Variants in SGIP1 observed in about 807,000 individuals in gnomAD.
SGIP1 encodes SH3GL interacting endocytic adaptor 1, also known as SH3-containing GRB2-like protein 3-interacting protein 1.
Under a neutral mutation model 107.5 loss-of-function variants are expected in SGIP1, and 38 were observed. The ratio of observed to expected loss-of-function variants is 0.35; its 90% confidence interval spans 0.27 to 0.46. The LOEUF (loss-of-function observed/expected upper bound fraction) is 0.46, where lower values mean the gene tolerates loss of function less well. Ranked by LOEUF, SGIP1 falls within the 20% of genes least tolerant of loss-of-function variation. The pLI is 1.00. For synonymous variants in SGIP1, 365 were observed against 366.1 expected, an observed-to-expected ratio of 1.00 and a Z score of 0.03; for missense variants, 929 against 1,019.5, an observed-to-expected ratio of 0.91 and a Z score of 1.21.
intron 1 of SGIP1, among the ~76,000 whole-genome samples, chr1:66,553,888 C>T (rs2057796357): frequency 6.6e-6 from 1 of 152,098 alleles, no homozygotes; most frequent in South Asian, 2.1e-4. Context: ...CCACCTCTGA[C>T]ATTCTGGCAC....
intron 7 of SGIP1, chr1:66,660,169 AAGAAAG>A (rs2081045669): frequency 7.5e-6 from 1 of 132,784 alleles, no homozygotes; most frequent in African/African-American, 4.6e-5. Flanking sequence ...GAAAGAAAGA[AAGAAAG>A]AAAGAAAGAA....
intron 1 of SGIP1, among the ~76,000 whole-genome samples, chr1:66,565,034 A>G (rs1247125505): frequency 6.6e-6 from 1 of 152,002 alleles, no homozygotes; most frequent in Non-Finnish European, 1.5e-5. Context: ...CCGAAGTCAT[A>G]CAATCTGGAA....
At chr1:66,536,323 G>A (rs2053599984) in intron 1 of SGIP1, among the ~76,000 whole-genome samples, 1 of 152,172 alleles carries the variant, frequency 6.6e-6, no homozygotes, top group Non-Finnish European at 1.5e-5. Flanking sequence ...GTTCCCACTG[G>A]CTTAAATAGC....
chr1:66,577,177 C>T (rs2061182172), intron 1 of SGIP1, among the ~76,000 whole-genome samples: 2 of 152,138 alleles, frequency 1.3e-5, no homozygotes, highest in Admixed American at 1.3e-4. Flanking sequence ...AAATGTCTTG[C>T]CCATTCTTTG....
chr1:66,668,402 G>A (rs2083062288), intron 9 of SGIP1, among the ~76,000 whole-genome samples: 1 of 152,134 alleles, frequency 6.6e-6, no homozygotes, highest in Admixed American at 6.5e-5. Context: ...TGTTAGCCAG[G>A]ATGGTCTTAA....
In SGIP1 at chr1:66,739,540, A is replaced by T. The variant is rs1269907648; in HGVS notation, c.2234+3A>T. The T allele has an allele frequency of 6.2e-7, 1 of 1,613,342 alleles. No individual in the cohort carries two copies. The highest frequency in any genetic ancestry group is 8.5e-7 in the Non-Finnish European group (1 of 1,180,022). On this transcript the variant is annotated splice_donor_region_variant and intron_variant, in intron 22 of 24. Coordinates refer to ENST00000371037, the MANE Select transcript of SGIP1 (RefSeq NM_032291.4). Reference sequence around the variant, plus strand: ...GCAGTGCTCCCACCAGCAGTCTGGTATGAAGCCTCCTATTCTCTCCACCAA... The same window carrying T: ...GCAGTGCTCCCACCAGCAGTCTGGTTTGAAGCCTCCTATTCTCTCCACCAA...
intron 18 of SGIP1, among the ~76,000 whole-genome samples, chr1:66,709,462 T>A (rs2092761678): frequency 6.6e-6 from 1 of 152,126 alleles, no homozygotes; most frequent in African/African-American, 2.4e-5. Flanking sequence ...TAAACGGTTC[T>A]CTCCTCTCAG....
intron 18 of SGIP1, among the ~76,000 whole-genome samples, chr1:66,712,537 A>G (rs2092986475): frequency 6.6e-6 from 1 of 151,858 alleles, no homozygotes; most frequent in Admixed American, 6.6e-5. Flanking sequence ...ACTTGTATTC[A>G]ATTTCTGTAC....
chr1:66,700,407 C>T (rs1025871669), intron 18 of SGIP1, among the ~76,000 whole-genome samples: 4 of 148,118 alleles, frequency 2.7e-5, no homozygotes, highest in African/African-American at 9.9e-5. Flanking sequence ...ATGATTCAAA[C>T]TCTGGCCACC....
chr1:66,592,445 A>C (rs948389645), intron 1 of SGIP1, among the ~76,000 whole-genome samples: 1 of 152,356 alleles, frequency 6.6e-6, no homozygotes. Context: ...AATTAACAGC[A>C]TCTCAAGGCA....
intron 1 of SGIP1, among the ~76,000 whole-genome samples, chr1:66,556,494 G>T (rs2058193564): frequency 6.6e-6 from 1 of 152,120 alleles, no homozygotes; most frequent in Non-Finnish European, 1.5e-5. Context: ...ACTTGACGTA[G>T]GTTCAAATTC....
At chr1:66,575,940 C>G (rs148085582) in intron 1 of SGIP1, among the ~76,000 whole-genome samples, 1 of 152,168 alleles carries the variant, frequency 6.6e-6, no homozygotes, top group Admixed American at 6.5e-5. Context: ...TTCGTCAGTA[C>G]GCTAGGAGCC....
At chr1:66,738,179 G>T (rs573151851) in intron 21 of SGIP1, among the ~76,000 whole-genome samples, 2 of 152,226 alleles carry the variant, frequency 1.3e-5, no homozygotes, top group African/African-American at 4.8e-5. Flanking sequence ...AGCTTAAATT[G>T]TCATCAAAAG....
chr1:66,589,314 A>G (rs915220359), intron 1 of SGIP1, among the ~76,000 whole-genome samples: 3 of 149,986 alleles, frequency 2.0e-5, no homozygotes, highest in African/African-American at 7.3e-5. Flanking sequence ...TGAAGAGGCT[A>G]AGACCTGCCT....
rs115023452 is a variant in SGIP1 at position 66,536,288 on chromosome 1, C to A, written c.10+1920C>A. Among the ~76,000 whole-genome samples, 1,266 of 152,292 alleles carry A rather than the reference C, an allele frequency of 8.3e-3. 24 individuals are homozygous for A. Among genetic ancestry groups the A allele is most frequent in the Middle Eastern group, 0.02 (6 of 294 alleles). On this transcript the variant is annotated intron_variant, in intron 1 of 24. Coordinates refer to ENST00000371037, the MANE Select transcript of SGIP1 (RefSeq NM_032291.4). Reference sequence around the variant, plus strand: ...TGGATACAGTTGTCTTTCACCAGATCTTTTGCAAGAGAAATTGGACAGGTG... The same window carrying A: ...TGGATACAGTTGTCTTTCACCAGATATTTTGCAAGAGAAATTGGACAGGTG...
intron 18 of SGIP1, among the ~76,000 whole-genome samples, chr1:66,718,802 T>C (rs566783890): frequency 6.6e-6 from 1 of 152,064 alleles, no homozygotes; most frequent in African/African-American, 2.4e-5. Context: ...GATCTGAGAG[T>C]AACTGGGCTT....
At chr1:66,660,940 G>A (rs886954508) in intron 8 of SGIP1, among the ~76,000 whole-genome samples, 3 of 152,196 alleles carry the variant, frequency 2.0e-5, no homozygotes, top group African/African-American at 7.2e-5. Context: ...TATGAAGCTG[G>A]CCCGGGAATG....
upstream of SGIP1, among the ~76,000 whole-genome samples, chr1:66,533,827 C>A (rs1217916571): frequency 3.3e-5 from 5 of 152,106 alleles, no homozygotes; most frequent in African/African-American, 9.7e-5. Flanking sequence ...GCTGCTTTCA[C>A]GCCAGAGTCC....
intron 1 of SGIP1, among the ~76,000 whole-genome samples, chr1:66,603,714 T>G (rs2066295138): frequency 6.6e-6 from 1 of 152,162 alleles, no homozygotes; most frequent in Non-Finnish European, 1.5e-5. Flanking sequence ...GAAGAATAAA[T>G]TAGTTAGAAA....
Sources: allele counts gnomAD v4.1 joint callset (sites outside exome capture counted in the v4.1 genomes callset), GRCh38; gene constraint gnomAD v4.1.1; transcripts MANE v1.5; gene names NCBI Gene and HGNC (gene_info 2026-07-23, HGNC 2026-07-21).